KIF13A: variants seen among roughly 807,000 people sequenced by gnomAD.
The protein encoded by KIF13A is kinesin-like protein KIF13A.
In KIF13A, 79 loss-of-function variants were observed where a neutral mutation model predicts 212.2. The ratio of observed to expected loss-of-function variants is 0.37; its 90% CI spans 0.31 to 0.45. The LOEUF (loss-of-function observed/expected upper bound fraction) is 0.45. Ranked by LOEUF, KIF13A falls within the 20% of genes least tolerant of loss-of-function variation. The probability of loss-of-function intolerance (pLI) is 1.00; values close to 1 mark genes in which losing one functional copy is unlikely to be tolerated. For missense variants in KIF13A, 1,901 were observed against 2,209.0 expected, an observed-to-expected ratio of 0.86 and a Z score of 2.79; for synonymous variants, 789 against 808.6, an observed-to-expected ratio of 0.98 and a Z score of 0.41.
intron 4 of KIF13A, among the ~76,000 whole-genome samples, chr6:17,863,544 C>T (rs926058932): frequency 7.2e-5 from 11 of 151,820 alleles, no homozygotes; most frequent in Non-Finnish European, 1.2e-4. Flanking sequence ...ACCAATTCTT[C>T]GGTTTGGTGA....
chr6:17,928,286 A>T (rs1775675375), intron 2 of KIF13A, among the ~76,000 whole-genome samples: 1 of 152,154 alleles, frequency 6.6e-6, no homozygotes, highest in African/African-American at 2.4e-5. Flanking sequence ...TTTGGGGTTT[A>T]TTTTCTAAAA....
chr6:17,894,810 C>T (rs1772415934), intron 3 of KIF13A, among the ~76,000 whole-genome samples: 1 of 152,148 alleles, frequency 6.6e-6, no homozygotes, highest in African/African-American at 2.4e-5. Context: ...CTATGCTTTA[C>T]TTATTCATCC....
chr6:17,850,268 G>C lies in KIF13A; in HGVS notation c.717+55C>G. The C allele has an allele frequency of 6.5e-7, 1 of 1,532,582 alleles. No homozygotes were observed. Among genetic ancestry groups the C allele is most frequent in the South Asian group, 1.3e-5 (1 of 79,050 alleles). The allele number at this position is 1,532,582 out of a possible 1,614,324, so 94.9% of individuals were successfully genotyped here. On this transcript the variant is annotated intron_variant, in intron 8 of 38. Transcript: ENST00000259711. This position sits in a 1 kb window ranked among gnomAD's most constrained non-coding sequence, Gnocchi z 6.2. ...CAACCATGAAAGACTTTACCTATATGGACACTTTCAGTTCTTCCACCCCCA... is the reference window on the plus strand; with the variant it reads ...CAACCATGAAAGACTTTACCTATATCGACACTTTCAGTTCTTCCACCCCCA...
At chr6:17,881,888 C>A in intron 3 of KIF13A, 1 of 396,682 alleles carries the variant, frequency 2.5e-6, no homozygotes, top group South Asian at 1.8e-5. Flanking sequence ...TCCAGCTACT[C>A]GGGAGGCTGA....
At chr6:17,965,643 T>A (rs977787807) in intron 2 of KIF13A, among the ~76,000 whole-genome samples, 1 of 152,244 alleles carries the variant, frequency 6.6e-6, no homozygotes, top group African/African-American at 2.4e-5. Flanking sequence ...TTTCAGAGCA[T>A]AGCAATAAAG....
chr6:17,984,464 A>C lies in KIF13A; in HGVS notation c.146+2590T>G. ...GACCTATGCAATGTATTACAATACT[A>C]GAATTTCAGCAACAAAACAAACATC... On this transcript the variant is annotated intron_variant, in intron 2 of 38. Transcript: ENST00000259711. This position sits in a 1 kb window ranked among gnomAD's most constrained non-coding sequence, Gnocchi z 5.0. 1 of 935,772 alleles carries C rather than the reference A, an allele frequency of 1.1e-6. No individual in the cohort carries two copies. The highest frequency in any genetic ancestry group is 1.3e-6 in the Non-Finnish European group (1 of 786,958). 58.0% of individuals were successfully genotyped at this position (935,772 alleles called of 1,614,324 possible).
chr6:17,812,602 A>G (rs1397092816), intron 17 of KIF13A: 1 of 152,070 alleles, frequency 6.6e-6, no homozygotes, highest in Non-Finnish European at 1.5e-5. Flanking sequence ...GGTTGATTCC[A>G]TGTCTTTCCT....
intron 2 of KIF13A, among the ~76,000 whole-genome samples, chr6:17,977,607 AAC>A (rs1038244550): frequency 1.2e-4 from 18 of 152,260 alleles, no homozygotes; most frequent in African/African-American, 3.9e-4. Context: ...AGAAAAGCAA[AAC>A]ACAATTGCAA....
chr6:17,813,633 C>A (rs77505627), intron 17 of KIF13A, among the ~76,000 whole-genome samples: 1 of 151,976 alleles, frequency 6.6e-6, no homozygotes, highest in Non-Finnish European at 1.5e-5. Context: ...GCGAGCCTTG[C>A]GCTGCAGGGC....
At chr6:17,925,733 G>A (rs1319202986) in intron 2 of KIF13A, among the ~76,000 whole-genome samples, 3 of 152,206 alleles carry the variant, frequency 2.0e-5, no homozygotes, top group Non-Finnish European at 2.9e-5. Context: ...TAAAGAACAT[G>A]TCTAATTAGC....
In KIF13A at chr6:17,987,564, G is replaced by GGCC. The variant is rs1291702559; in HGVS notation, c.-104_-102dup. On this transcript the variant is annotated 5_prime_UTR_variant, in exon 1 of 39. Coordinates refer to ENST00000259711, the MANE Select transcript of KIF13A (RefSeq NM_022113.6). The surrounding 1 kb of genome is among the most constrained non-coding windows in gnomAD (Gnocchi z 7.7). The stretch of plus-strand genomic sequence containing the variant: ...CTGCAGCCGCGCGCCCCTCGAGCGC[G>GGCC]GCCGCCGCCGCTCCGCCGTGAGCTC... 2.0e-5 allele frequency: 11 copies of GGCC among 554,640 alleles called. No individual in the cohort carries two copies. The highest frequency in any genetic ancestry group is 2.5e-5 in the Non-Finnish European group (11 of 437,880). The allele number at this position is 554,640 out of a possible 1,614,324, so 34.4% of individuals were successfully genotyped here. A position where few individuals can be genotyped will look rare whatever the true frequency, so the allele number is the denominator to read the frequency against.
chr6:17,780,648 A>G, intron 31 of KIF13A, 82 bp downstream of exon 31: 4 of 1,374,452 alleles, frequency 2.9e-6, no homozygotes, highest in Non-Finnish European at 4.1e-6. Flanking sequence ...TCACAGCACC[A>G]AAAAACACTG....
Position 17,892,966 on chromosome 6 carries a change from G to A in KIF13A, c.159+5202C>T, listed in dbSNP as rs148932174. Among the ~76,000 whole-genome samples, 116 of 152,280 alleles carry A rather than the reference G, an allele frequency of 7.6e-4. 1 individual carries two copies. The highest frequency in any genetic ancestry group is 2.4e-3 in the African/African-American group (99 of 41,556). On this transcript the variant is annotated intron_variant, in intron 3 of 38. Coordinates refer to ENST00000259711, the MANE Select transcript of KIF13A (RefSeq NM_022113.6). The surrounding 1 kb of genome is among the most constrained non-coding windows in gnomAD (Gnocchi z 4.7). The stretch of plus-strand genomic sequence containing the variant: ...ACACGGGAACTCTTGATTTATAGCC[G>A]GTAGGTCAGAAGTATAGGTGGCAAC...
chr6:17,867,589 A>AG (rs924672664), intron 4 of KIF13A, among the ~76,000 whole-genome samples: 1 of 152,226 alleles, frequency 6.6e-6, no homozygotes. Flanking sequence ...TATTGCCTAC[A>AG]GCCACACAGT....
At chr6:17,798,052 T>C (rs1386992018) in intron 22 of KIF13A, among the ~76,000 whole-genome samples, 5 of 152,328 alleles carry the variant, frequency 3.3e-5, no homozygotes, top group Middle Eastern at 3.4e-3. Context: ...GTGAAGACAT[T>C]GCTTGTGACT....
At chr6:17,958,525 A>G (rs1326489583) in intron 2 of KIF13A, among the ~76,000 whole-genome samples, 2 of 152,232 alleles carry the variant, frequency 1.3e-5, no homozygotes, top group Non-Finnish European at 2.9e-5. Context: ...TAGAAGCTAT[A>G]TATAGTAAAA....
rs1764015491 is a variant in KIF13A at position 17,817,083 on chromosome 6, G to A, written c.1937C>T (p.Pro646Leu). ...SPDRQPQSSG[P>L]DRLAYSSQTA... ...CTGGCTGCTGTAGGCCAGGCGGTCA[G>A]GGCCGCTACTCTGTGGCTGCCTGTC... is the stretch of plus-strand genomic sequence containing the variant. The change falls in exon 17 of 39, where the codon CCT (proline) becomes CTT (leucine). Residue 646 changes from proline to leucine, a missense_variant. By Grantham distance (98) the Pro-to-Leu change is moderately conservative. Around this residue, in one of 5 missense-constraint regions of KIF13A, gnomAD observed 534 missense variants for 536.9 expected, o/e 0.99. Coordinates refer to ENST00000259711, the MANE Select transcript of KIF13A (RefSeq NM_022113.6). The A allele has an allele frequency of 6.2e-7, 1 of 1,613,822 alleles. No homozygotes were observed. Among genetic ancestry groups the A allele is most frequent in the South Asian group, 1.1e-5 (1 of 91,080 alleles).
At chr6:17,933,236 GATGTA>G (rs1471438731) in intron 2 of KIF13A, among the ~76,000 whole-genome samples, 1 of 152,042 alleles carries the variant, frequency 6.6e-6, no homozygotes, top group Non-Finnish European at 1.5e-5. Context: ...ACCTATAAAA[GATGTA>G]CTGGTTGGCA....
Position 17,811,545 on chromosome 6 carries a change from G to A in KIF13A, c.2001-2615C>T, listed in dbSNP as rs957438803. Among the ~76,000 whole-genome samples the A allele has an allele frequency of 1.3e-5, 2 of 152,010 alleles. No individual in the cohort carries two copies. The highest frequency in any genetic ancestry group is 2.4e-5 in the African/African-American group (1 of 41,386). On this transcript the variant is annotated intron_variant, in intron 17 of 38. Transcript: ENST00000259711. The surrounding 1 kb of genome is among the most constrained non-coding windows in gnomAD (Gnocchi z 6.0). ...TTCTAAGTGTACAAAGAGAATAAAC[G>A]ACATCTGTGGCTTTCTTTGTAATTC...
Sources: gnomAD v4.1 joint callset for allele counts (sites outside exome capture counted in the v4.1 genomes callset) on GRCh38, gnomAD v4.1.1 for gene constraint, gnomAD v4.1.1 regional missense constraint, Gnocchi (gnomAD v3.1) non-coding constraint, MANE v1.5 for transcripts, NCBI Gene and HGNC (gene_info 2026-07-23, HGNC 2026-07-21) for gene names.